The following BCL2L11 variants were observed in gnomAD, a reference collection of about 807,000 sequenced individuals.
BCL2L11 encodes the protein BCL2 like 11, also known as bcl-2-like protein 11.
A neutral mutation model predicts 20.6 loss-of-function variants in BCL2L11; 15 were observed. The ratio of observed to expected loss-of-function variants is 0.73; its 90% CI spans 0.49 to 1.12. The LOEUF is 1.12. Ranked by LOEUF, BCL2L11 falls within the 50% of genes most tolerant of loss-of-function variation. The pLI, the probability that BCL2L11 is intolerant of heterozygous loss-of-function variation, is 0.00. For synonymous variants in BCL2L11, 108 were observed against 92.8 expected (o/e 1.16, Z -0.94); for missense variants, 292 against 260.9 (o/e 1.12, Z -0.82).
chr2:111,133,247 C>T (rs2074273028), intron 2 of BCL2L11, among the ~76,000 whole-genome samples: 1 of 152,236 alleles, frequency 6.6e-6, no homozygotes, highest in South Asian at 2.1e-4. Context: ...GCCTGCCAAA[C>T]AGCGTGCTGT....
intron 2 of BCL2L11, among the ~76,000 whole-genome samples, chr2:111,148,491 A>G (rs1356265212): frequency 6.6e-6 from 1 of 152,240 alleles, no homozygotes; most frequent in African/African-American, 2.4e-5. Context: ...GTTTAGTTCA[A>G]AAATTAATTT....
intron 3 of BCL2L11, 22 bp from the exon 4 acceptor site, chr2:111,164,111 A>C: frequency 7.0e-7 from 1 of 1,434,482 alleles, no homozygotes; most frequent in Non-Finnish European, 9.8e-7. Flanking sequence ...GAAACTAAGA[A>C]GCTTTCCTTT....
chr2:111,165,068 C>T lies in BCL2L11; in HGVS notation c.*837C>T, dbSNP rs2078960567. Reference sequence around the variant, plus strand: ...AGTCAGAACAAGAGTTAATATCTGCCTGTATCTTGCACAGTTCGAGCGATC... The same window carrying T: ...AGTCAGAACAAGAGTTAATATCTGCTTGTATCTTGCACAGTTCGAGCGATC... On this transcript the variant is annotated 3_prime_UTR_variant, in exon 4 of 4. Coordinates refer to ENST00000393256, the MANE Select transcript of BCL2L11 (RefSeq NM_138621.5). The T allele has an allele frequency of 6.6e-6, 1 of 152,210 alleles. No homozygotes were observed. Among genetic ancestry groups the T allele is most frequent in the African/African-American group, 2.4e-5 (1 of 41,446 alleles). 9.4% of individuals were successfully genotyped at this position (152,210 alleles called of 1,614,324 possible).
chr2:111,143,028 A>G (rs1039449842), intron 2 of BCL2L11, among the ~76,000 whole-genome samples: 1 of 152,216 alleles, frequency 6.6e-6, no homozygotes, highest in African/African-American at 2.4e-5. Flanking sequence ...GAAAAAATAT[A>G]GGGATTTGTG....
intron 2 of BCL2L11, among the ~76,000 whole-genome samples, chr2:111,127,778 C>T (rs1387000888): frequency 6.6e-6 from 1 of 152,086 alleles, no homozygotes; most frequent in East Asian, 2.0e-4. Context: ...GCATTAAGCA[C>T]TTGACATAGG....
intron 2 of BCL2L11, among the ~76,000 whole-genome samples, chr2:111,136,899 A>C (rs1354928778): frequency 6.6e-6 from 1 of 152,212 alleles, no homozygotes; most frequent in Non-Finnish European, 1.5e-5. Context: ...TCCATGTGGA[A>C]TAACAGACTT....
At chr2:111,128,581 T>A in intron 2 of BCL2L11, 1 of 1,481,756 alleles carries the variant, frequency 6.7e-7, no homozygotes, top group Non-Finnish European at 8.9e-7. Context: ...AGGGTTCCAG[T>A]TTCTCCACAT....
intron 2 of BCL2L11, among the ~76,000 whole-genome samples, chr2:111,133,076 T>TA (rs1324083579): frequency 6.6e-6 from 1 of 152,236 alleles, no homozygotes; most frequent in African/African-American, 2.4e-5. Flanking sequence ...TAACTGAACT[T>TA]ATGCAAATAA....
In BCL2L11 at chr2:111,123,924, C is replaced by G; in HGVS notation, c.179C>G (p.Pro60Arg). The G allele has an allele frequency of 6.2e-7, 1 of 1,613,930 alleles. No individual in the cohort carries two copies. The highest frequency in any genetic ancestry group is 1.1e-5 in the South Asian group (1 of 91,072). The change falls in exon 2 of 4, where the codon CCT (proline) becomes CGT (arginine). Residue 60 changes from proline to arginine, a missense_variant. Physicochemically the swap from Pro to Arg is moderately radical, Grantham distance 103 (BLOSUM62 -2). Transcript: ENST00000393256. ...GEGDSCPHGS[P>R]QGPLAPPASP... ...GGGGACAGCTGCCCCCACGGCAGCCCTCAGGGCCCGCTGGCCCCACCTGCC... is the reference window on the plus strand; with the variant it reads ...GGGGACAGCTGCCCCCACGGCAGCCGTCAGGGCCCGCTGGCCCCACCTGCC...
intron 2 of BCL2L11, chr2:111,144,471 T>C (rs1272130983): frequency 5.7e-5 from 88 of 1,550,444 alleles, no homozygotes; most frequent in Non-Finnish European, 7.5e-5. Context: ...TGGCAGTTGC[T>C]CTCCTTTGCC....
At chr2:111,142,048 G>A (rs149610792) in intron 2 of BCL2L11, among the ~76,000 whole-genome samples, 1 of 152,218 alleles carries the variant, frequency 6.6e-6, no homozygotes, top group East Asian at 1.9e-4. Context: ...TTCTCATCTA[G>A]GATACAGACT....
At position 111,164,227 on chromosome 2, in the gene BCL2L11, A is replaced by G. The variant is rs2078916619; in HGVS notation, c.593A>G (p.His198Arg). The change falls in exon 4 of 4, where the codon CAT becomes CGT. Residue 198 changes from histidine (H) to arginine (R), a missense_variant. Transcript: ENST00000393256. ...RYIVRLVWRMH is the reference protein window; with the variant it reads ...RYIVRLVWRMR ...ATTGTCCGCCTGGTGTGGAGAATGC[A>G]TTGACAGGTTCTTTGCGGAGCCGAG... is the stretch of plus-strand genomic sequence containing the variant. 1.2e-6 allele frequency: 2 copies of G among 1,606,674 alleles called. No homozygotes were observed. The highest frequency in any genetic ancestry group is 1.3e-5 in the African/African-American group (1 of 74,734).
At chr2:111,155,406 C>T (rs890742263) in intron 3 of BCL2L11, among the ~76,000 whole-genome samples, 2 of 151,984 alleles carry the variant, frequency 1.3e-5, no homozygotes, top group African/African-American at 4.8e-5. Context: ...GTGTAGATTG[C>T]GACCCTCTGT....
At chr2:111,148,165 G>T (rs1210103066) in intron 2 of BCL2L11, among the ~76,000 whole-genome samples, 1 of 152,200 alleles carries the variant, frequency 6.6e-6, no homozygotes, top group East Asian at 1.9e-4. Context: ...TCTCAGTCAT[G>T]TGTAGTGAGA....
intron 3 of BCL2L11, among the ~76,000 whole-genome samples, chr2:111,153,363 C>T (rs1398556689): frequency 1.3e-5 from 2 of 151,808 alleles, no homozygotes; most frequent in African/African-American, 4.8e-5. Flanking sequence ...TCCACAAGAG[C>T]GAAACTCCAT....
At chr2:111,121,847 C>T (rs1375370677) in intron 1 of BCL2L11, among the ~76,000 whole-genome samples, 2 of 152,212 alleles carry the variant, frequency 1.3e-5, no homozygotes, top group Non-Finnish European at 2.9e-5. Context: ...AAATCTAGGT[C>T]CTCCCCTGAC....
intron 2 of BCL2L11, chr2:111,131,667 G>C (rs781200286): frequency 6.6e-6 from 1 of 151,862 alleles, no homozygotes; most frequent in Non-Finnish European, 1.5e-5. Flanking sequence ...ATAATGTTTT[G>C]AGACCTTTCC....
intron 1 of BCL2L11, chr2:111,123,339 G>T: frequency 1.0e-6 from 1 of 985,492 alleles, no homozygotes; most frequent in South Asian, 4.7e-5. Flanking sequence ...CTGCATCTGC[G>T]CCCGCTCCTG....
chr2:111,147,346 T>TCTCTCTCTCTCACACACACACACACA (rs760779894), intron 2 of BCL2L11, among the ~76,000 whole-genome samples: 2 of 137,332 alleles, frequency 1.5e-5, no homozygotes, highest in Non-Finnish European at 3.1e-5. Context: ...TCTCTCTCTC[T>TCTCTCTCTCTCACACACACACACACA]CACACACACA....
Sources: allele counts gnomAD v4.1 joint callset (sites outside exome capture counted in the v4.1 genomes callset), GRCh38; gene constraint gnomAD v4.1.1; transcripts MANE v1.5; gene names NCBI Gene and HGNC (gene_info 2026-07-23, HGNC 2026-07-21).